The following PARP9 variants were observed in gnomAD, a reference collection of about 807,000 sequenced individuals.
The protein encoded by PARP9 is poly(ADP-ribose) polymerase family member 9, also known as protein mono-ADP-ribosyltransferase PARP9.
In PARP9, 48 loss-of-function variants were observed where a neutral mutation model predicts 68.8. The ratio of observed to expected loss-of-function variants is 0.70; its 90% CI spans 0.55 to 0.89. The LOEUF (loss-of-function observed/expected upper bound fraction) is 0.89. PARP9 is among the 40% of genes least tolerant of loss of function. PARP9 has a pLI of 0.00. For synonymous variants in PARP9, 309 were observed against 333.8 expected (o/e 0.93, Z 0.81); for missense variants, 806 against 969.3 (o/e 0.83, Z 2.24).
intron 10 of PARP9, chr3:122,534,214 T>C: frequency 1.2e-6 from 1 of 835,096 alleles, no homozygotes; most frequent in Non-Finnish European, 1.4e-6. Flanking sequence ...AAATTAGGCC[T>C]CGTGCCCACT....
chr3:122,542,536 G>C (rs2078325786), intron 7 of PARP9, among the ~76,000 whole-genome samples: 2 of 152,078 alleles, frequency 1.3e-5, no homozygotes, highest in South Asian at 4.1e-4. Context: ...CTGGAGTGTA[G>C]TGGCGCAATC....
chr3:122,559,523 C>A, intron 2 of PARP9, 83 bp downstream of exon 2: 2 of 1,364,888 alleles, frequency 1.5e-6, no homozygotes, highest in African/African-American at 2.9e-5. Flanking sequence ...TGTTGGTGAA[C>A]ACCCCAGATT....
In PARP9 at chr3:122,545,412, C is replaced by T. The variant is rs572487337; in HGVS notation, c.1384+20G>A. 1.2e-5 allele frequency: 20 copies of T among 1,613,306 alleles called. No individual in the cohort carries two copies. The highest frequency in any genetic ancestry group is 3.3e-4 in the Middle Eastern group (2 of 6,060). On this transcript the variant is annotated intron_variant, in intron 7 of 10. Transcript: ENST00000682323. ...AATGGTGGGCGACCCTACTTATTGG[C>T]CTGTGAATTTCTTACTCACCACTGT...
Position 122,528,747 on chromosome 3 carries a change from A to G in PARP9, c.2081-4T>C. ...ATGCCAGCTCCGTATTTTGGATCTG[A>G]TAAAGGAAAAAATAAAATAAAAAGA... On this transcript the variant is annotated splice_polypyrimidine_tract_variant and splice_region_variant and intron_variant, in intron 10 of 10. Transcript: ENST00000682323. The G allele has an allele frequency of 6.4e-7, 1 of 1,562,936 alleles. No homozygotes were observed. The highest frequency in any genetic ancestry group is 8.6e-7 in the Non-Finnish European group (1 of 1,157,368).
Position 122,548,108 on chromosome 3 carries a change from T to A in PARP9, c.1326+2476A>T, listed in dbSNP as rs1164464467. ...GCTTGCTGTGACCATCTCTTCTAAATCTGTTTTCAGTGATGTCATATCAAC... is the reference window on the plus strand; with the variant it reads ...GCTTGCTGTGACCATCTCTTCTAAAACTGTTTTCAGTGATGTCATATCAAC... On this transcript the variant is annotated intron_variant, in intron 6 of 10. Coordinates refer to ENST00000682323, the MANE Select transcript of PARP9 (RefSeq NM_001146105.2). Among the ~76,000 whole-genome samples the A allele has an allele frequency of 2.0e-5, 3 of 152,200 alleles. No homozygotes were observed. In the East Asian group the frequency reaches 5.8e-4, roughly 29 times the overall value.
intron 3 of PARP9, among the ~76,000 whole-genome samples, chr3:122,557,299 G>A (rs1239005925): frequency 1.4e-5 from 2 of 138,716 alleles, no homozygotes; most frequent in African/African-American, 5.1e-5. Context: ...AGGAGGAGTA[G>A]GGGAGACATT....
At chr3:122,539,014 T>C (rs771916379) in intron 8 of PARP9, among the ~76,000 whole-genome samples, 9 of 152,178 alleles carry the variant, frequency 5.9e-5, no homozygotes, top group African/African-American at 9.6e-5. Context: ...TTTGTACCTC[T>C]TACTAAATCC....
chr3:122,528,649 A>G lies in PARP9; in HGVS notation c.2175T>C (p.Tyr725=), dbSNP rs1233410340. The change falls in exon 11 of 11, where the codon TAT becomes TAC. Residue 725 remains tyrosine (Y), a synonymous_variant. Transcript: ENST00000682323. ...KKISAADKLI[Y]VFEAEVLTGF... is the part of the protein sequence containing the mutation. ...CTGTGAGTACTTCAGCCTCAAACACATAGATCAGCTTATCTGCAGCAGAGA... is the reference window on the plus strand; with the variant it reads ...CTGTGAGTACTTCAGCCTCAAACACGTAGATCAGCTTATCTGCAGCAGAGA... The G allele has an allele frequency of 1.9e-6, 3 of 1,614,104 alleles. No homozygotes were observed. Among genetic ancestry groups the G allele is most frequent in the Non-Finnish European group, 2.5e-6 (3 of 1,180,048 alleles).
intron 10 of PARP9, chr3:122,532,547 G>A (rs1018858685): frequency 1.9e-6 from 1 of 521,246 alleles, no homozygotes; most frequent in Non-Finnish European, 2.5e-6. Flanking sequence ...TGGTCATGGG[G>A]AACGTGAGAG....
intron 7 of PARP9, 133 bp downstream of exon 7, chr3:122,545,299 T>G (rs2078615667): frequency 3.6e-6 from 3 of 842,888 alleles, no homozygotes; most frequent in East Asian, 2.6e-5. Context: ...TAGGCAGGTA[T>G]CCAAGCAGGA....
chr3:122,531,379 C>T (rs370361939), intron 10 of PARP9, among the ~76,000 whole-genome samples: 2 of 152,154 alleles, frequency 1.3e-5, no homozygotes, highest in South Asian at 2.1e-4. Flanking sequence ...TGTTCTTCCA[C>T]CTATTGAGTC....
chr3:122,557,520 C>T (rs2079802596), intron 3 of PARP9, among the ~76,000 whole-genome samples: 1 of 152,206 alleles, frequency 6.6e-6, no homozygotes, highest in East Asian at 1.9e-4. Context: ...CAGCTGTTAG[C>T]CCCTCAGGGT....
intron 7 of PARP9, among the ~76,000 whole-genome samples, chr3:122,541,842 T>C (rs1032135153): frequency 6.6e-6 from 1 of 152,168 alleles, no homozygotes; most frequent in Non-Finnish European, 1.5e-5. Flanking sequence ...ACTCCAGTGC[T>C]CCCACATATG....
At chr3:122,530,286 G>C (rs567884640) in intron 10 of PARP9, among the ~76,000 whole-genome samples, 1 of 152,188 alleles carries the variant, frequency 6.6e-6, no homozygotes, top group Non-Finnish European at 1.5e-5. Flanking sequence ...AGCACTCCTG[G>C]ATTTGGAAGG....
rs553627303 is a variant in PARP9, at chr3:122,563,915, C to T, written c.-90+330G>A. On this transcript the variant is annotated intron_variant, in intron 1 of 10. Transcript: ENST00000682323. The stretch of plus-strand genomic sequence containing the variant: ...AATCAAGCAATGGAGGAGAAAAGCC[C>T]GCAGAAGCCCGTCTAAAGGGTAGAG... Among the ~76,000 whole-genome samples, 21 of 151,980 alleles carry T rather than the reference C, an allele frequency of 1.4e-4. 1 individual carries two copies. The East Asian group carries it at 1.7e-3, about 13-fold the overall frequency.
At chr3:122,557,060 C>T (rs116346739) in intron 3 of PARP9, among the ~76,000 whole-genome samples, 3,223 of 152,240 alleles carry the variant, frequency 0.021, 122 homozygotes, top group African/African-American at 0.073. Flanking sequence ...TCTCAAACTC[C>T]TGATTTCAAG....
intron 7 of PARP9, among the ~76,000 whole-genome samples, chr3:122,542,116 A>G (rs886714093): frequency 1.3e-5 from 2 of 152,150 alleles, no homozygotes; most frequent in African/African-American, 4.8e-5. Flanking sequence ...TTTTTAGGAG[A>G]AAATAAAAAC....
At chr3:122,547,065 C>CAT (rs2078790746) in intron 6 of PARP9, among the ~76,000 whole-genome samples, 1 of 120,826 alleles carries the variant, frequency 8.3e-6, no homozygotes. Flanking sequence ...TATACACATA[C>CAT]ATATATACAC....
chr3:122,547,458 A>G (rs1297444787), intron 6 of PARP9, among the ~76,000 whole-genome samples: 1 of 151,792 alleles, frequency 6.6e-6, no homozygotes, highest in African/African-American at 2.4e-5. Flanking sequence ...TGATCTTTCC[A>G]TTTTTCTTAA....
Sources: allele counts gnomAD v4.1 joint callset (sites outside exome capture counted in the v4.1 genomes callset), GRCh38; gene constraint gnomAD v4.1.1; transcripts MANE v1.5; gene names NCBI Gene and HGNC (gene_info 2026-07-23, HGNC 2026-07-21).